Variants in RTL4 observed in about 807,000 individuals in gnomAD.
RTL4 encodes the protein retrotransposon Gag-like protein 4.
In RTL4, 4 loss-of-function variants were observed where a neutral mutation model predicts 5.3. The ratio of observed to expected loss-of-function variants is 0.75; its 90% CI spans 0.37 to 1.72. RTL4 has a LOEUF of 1.72. Ranked by LOEUF, RTL4 falls within the 40% of genes most tolerant of loss-of-function variation. The probability of loss-of-function intolerance (pLI) is 0.04; values close to 1 mark genes in which losing one functional copy is unlikely to be tolerated. For missense variants in RTL4, 260 were observed against 227.1 expected, an observed-to-expected ratio of 1.14 and a Z score of -0.93; for synonymous variants, 98 against 87.3, an observed-to-expected ratio of 1.12 and a Z score of -0.68.
chrX:112,415,036 G>T, the RTL4 span, among the ~76,000 whole-genome samples: 1 of 111,313 alleles, frequency 9.0e-6, no homozygotes, highest in African/African-American at 3.3e-5. Context: ...TTTTAGATAT[G>T]AAATTGCTAG....
chrX:112,371,088 G>A, the RTL4 span, among the ~76,000 whole-genome samples: 2 of 110,875 alleles, frequency 1.8e-5, no homozygotes, highest in Admixed American at 9.6e-5. Flanking sequence ...GGGGTGCAGA[G>A]GTACACTTGC....
the RTL4 span, among the ~76,000 whole-genome samples, chrX:112,368,425 G>A: frequency 9.0e-6 from 1 of 111,326 alleles, no homozygotes; most frequent in African/African-American, 3.3e-5. Flanking sequence ...TCACAAACTA[G>A]CCTTGAAATC....
the RTL4 span, among the ~76,000 whole-genome samples, chrX:112,303,145 G>C: frequency 8.9e-6 from 1 of 111,909 alleles, no homozygotes; most frequent in Admixed American, 9.5e-5. Context: ...CACATGTTGA[G>C]AATCTCTAAC....
At chrX:112,205,005 A>T in the RTL4 span, among the ~76,000 whole-genome samples, 1 of 112,011 alleles carries the variant, frequency 8.9e-6, no homozygotes, top group African/African-American at 3.2e-5. Flanking sequence ...AATGTGATTG[A>T]TTCTCCTGTG....
the RTL4 span, among the ~76,000 whole-genome samples, chrX:112,198,130 A>G: frequency 9.0e-6 from 1 of 111,647 alleles, no homozygotes; most frequent in Non-Finnish European, 1.9e-5. Context: ...TGAGGTTGTT[A>G]CTGTCCACGG....
At chrX:112,402,401 TG>T in the RTL4 span, among the ~76,000 whole-genome samples, 13 of 9,311 alleles carry the variant, frequency 1.4e-3, no homozygotes, top group Admixed American at 1.3e-3. Flanking sequence ...GAATTATTAT[TG>T]TGTGTGTGTG....
the RTL4 span, among the ~76,000 whole-genome samples, chrX:112,314,559 A>G: frequency 1.2e-5 from 1 of 83,853 alleles, no homozygotes; most frequent in Non-Finnish European, 2.5e-5. Flanking sequence ...AGAAAATGAT[A>G]AGCCATGGTT....
chrX:112,237,937 G>C, the RTL4 span, among the ~76,000 whole-genome samples: 42 of 111,827 alleles, frequency 3.8e-4, no homozygotes, highest in African/African-American at 1.4e-3. Context: ...CTGTTCCAGT[G>C]TTAGGAAGGT....
At chrX:112,399,338 A>C in the RTL4 span, among the ~76,000 whole-genome samples, 1 of 110,975 alleles carries the variant, frequency 9.0e-6, no homozygotes, top group Admixed American at 9.6e-5. Flanking sequence ...TCTGGCCTCT[A>C]TTATAGCTTT....
chrX:112,405,560 C>CAGA, the RTL4 span, among the ~76,000 whole-genome samples: 2 of 111,706 alleles, frequency 1.8e-5, no homozygotes, highest in African/African-American at 6.5e-5. Flanking sequence ...GAACAAAGTT[C>CAGA]AGAAGTTTGT....
At chrX:112,145,387 G>A in the RTL4 span, among the ~76,000 whole-genome samples, 1 of 111,541 alleles carries the variant, frequency 9.0e-6, no homozygotes, top group Non-Finnish European at 1.9e-5. Context: ...GACTTTCTCT[G>A]GACTAATCTA....
At chrX:112,189,980 C>A in the RTL4 span, among the ~76,000 whole-genome samples, 1 of 111,493 alleles carries the variant, frequency 9.0e-6, no homozygotes, top group African/African-American at 3.3e-5. Flanking sequence ...ACAAGATAAG[C>A]CTTCTCTCTT....
At chrX:112,255,539 A>G in the RTL4 span, among the ~76,000 whole-genome samples, 1 of 111,450 alleles carries the variant, frequency 9.0e-6, no homozygotes, top group African/African-American at 3.3e-5. Context: ...GAGGATTACT[A>G]TTATGTATGC....
chrX:112,178,821 T>C, the RTL4 span, among the ~76,000 whole-genome samples: 2 of 110,694 alleles, frequency 1.8e-5, no homozygotes, highest in African/African-American at 6.6e-5. Flanking sequence ...ATTCTATCTC[T>C]CCCCTCTGAC....
chrX:112,212,173 A>G, the RTL4 span, among the ~76,000 whole-genome samples: 20 of 111,802 alleles, frequency 1.8e-4, no homozygotes, highest in East Asian at 2.8e-4. Context: ...TCGGGAGATC[A>G]AGACCATCCT....
the RTL4 span, among the ~76,000 whole-genome samples, chrX:112,348,954 A>G: frequency 9.0e-6 from 1 of 110,546 alleles, no homozygotes; most frequent in Middle Eastern, 4.6e-3. Context: ...AACTTTAAAT[A>G]TAATATTTAC....
At chrX:112,102,348 A>C in the RTL4 span, among the ~76,000 whole-genome samples, 1 of 111,610 alleles carries the variant, frequency 9.0e-6, no homozygotes, top group Non-Finnish European at 1.9e-5. Context: ...TAGATTTTTA[A>C]AAGAGAGAGA....
the RTL4 span, among the ~76,000 whole-genome samples, chrX:112,138,198 A>G: frequency 8.9e-6 from 1 of 112,347 alleles, no homozygotes; most frequent in African/African-American, 3.2e-5. Context: ...TAAAATAGTC[A>G]AACTCATAGA....
At chrX:112,455,305 C>G in exon 1 of RTL4, 3 of 1,211,485 alleles carry the variant, frequency 2.5e-6, no homozygotes, top group South Asian at 1.8e-5. Flanking sequence ...TGATCCCAAC[C>G]AGGATGAAGA....
Sources: allele counts gnomAD v4.1 joint callset (sites outside exome capture counted in the v4.1 genomes callset), GRCh38; gene constraint gnomAD v4.1.1; transcripts MANE v1.5; gene names NCBI Gene and HGNC (gene_info 2026-07-23, HGNC 2026-07-21).